The following TBC1D1 variants were observed in gnomAD, a reference collection of about 807,000 sequenced individuals.
TBC1D1 encodes TBC1 (tre-2/USP6, BUB2, cdc16) domain family, member 1.
A neutral mutation model predicts 125.6 loss-of-function variants in TBC1D1; 89 were observed. That is an observed-to-expected ratio of 0.71 (90% CI 0.60 to 0.85). The LOEUF (loss-of-function observed/expected upper bound fraction) is 0.85, where lower values mean the gene tolerates loss of function less well. Ranked by LOEUF, TBC1D1 falls within the 40% of genes least tolerant of loss-of-function variation. The pLI is 0.00. For synonymous variants in TBC1D1, 565 were observed against 564.1 expected (o/e 1.00, Z -0.02); for missense variants, 1,377 against 1,469.2 (o/e 0.94, Z 1.03).
intron 2 of TBC1D1, among the ~76,000 whole-genome samples, chr4:37,959,972 G>A (rs1578050331): frequency 6.6e-6 from 1 of 152,202 alleles, no homozygotes; most frequent in East Asian, 1.9e-4. Flanking sequence ...AACTTCAGGG[G>A]TGCTGCTTTA....
At chr4:37,908,884 T>G (rs1450354711) in intron 2 of TBC1D1, among the ~76,000 whole-genome samples, 2 of 152,282 alleles carry the variant, frequency 1.3e-5, no homozygotes, top group Middle Eastern at 3.4e-3. Context: ...CATGTAGAAA[T>G]CGACTTTATT....
At chr4:37,998,472 C>G (rs962989348) in intron 2 of TBC1D1, among the ~76,000 whole-genome samples, 1 of 152,180 alleles carries the variant, frequency 6.6e-6, no homozygotes, top group African/African-American at 2.4e-5. Context: ...GCAGCTGGGT[C>G]GGGCTGTCCT....
chr4:37,996,635 T>A (rs1737865297), intron 2 of TBC1D1, among the ~76,000 whole-genome samples: 1 of 152,254 alleles, frequency 6.6e-6, no homozygotes, highest in Admixed American at 6.5e-5. Context: ...CTGGCATATT[T>A]TAAAATTGTA....
intron 14 of TBC1D1, among the ~76,000 whole-genome samples, chr4:38,097,507 AT>A (rs908909428): frequency 6.6e-6 from 1 of 151,490 alleles, no homozygotes; most frequent in Admixed American, 6.6e-5. Flanking sequence ...GCCCGGGTAA[AT>A]TTTTTTTGTA....
intron 12 of TBC1D1, 51 bp from the exon 15 acceptor site, chr4:38,089,881 T>C: frequency 6.6e-7 from 1 of 1,504,944 alleles, no homozygotes; most frequent in South Asian, 1.3e-5. Context: ...TGTTTGAATG[T>C]GCATTTTTTG....
At chr4:37,943,583 A>C (rs948178001) in intron 2 of TBC1D1, among the ~76,000 whole-genome samples, 1 of 152,028 alleles carries the variant, frequency 6.6e-6, no homozygotes, top group Non-Finnish European at 1.5e-5. Flanking sequence ...CATTTCATTC[A>C]TTTGATCTTC....
At chr4:38,104,183 A>AAT (rs869060090) in intron 15 of TBC1D1, among the ~76,000 whole-genome samples, 8 of 142,000 alleles carry the variant, frequency 5.6e-5, no homozygotes, top group East Asian at 2.0e-4. Context: ...AAAAAAAAAA[A>AAT]GTGTATGGGA....
chr4:37,997,897 C>T (rs1435544339), intron 2 of TBC1D1, among the ~76,000 whole-genome samples: 1 of 152,062 alleles, frequency 6.6e-6, no homozygotes, highest in East Asian at 1.9e-4. Context: ...TGCACAGTTC[C>T]CACTTTTTGT....
At chr4:37,922,858 A>T (rs1046162184) in intron 2 of TBC1D1, among the ~76,000 whole-genome samples, 9 of 152,096 alleles carry the variant, frequency 5.9e-5, no homozygotes, top group African/African-American at 2.2e-4. Flanking sequence ...TCAATCCTGG[A>T]AAAAGAATCT....
intron 2 of TBC1D1, among the ~76,000 whole-genome samples, chr4:37,970,930 C>T (rs375714032): frequency 6.9e-6 from 1 of 145,310 alleles, no homozygotes; most frequent in East Asian, 2.1e-4. Context: ...GCATGTGTCC[C>T]TGCCTCACTG....
intron 6 of TBC1D1, among the ~76,000 whole-genome samples, 193 bp from the exon 7 acceptor site, chr4:38,027,595 C>T (rs747332272): frequency 1.3e-5 from 2 of 151,814 alleles, no homozygotes; most frequent in Non-Finnish European, 2.9e-5. Flanking sequence ...GTGATTGCAC[C>T]ACTGCAATCC....
chr4:37,920,401 C>A (rs1012667477), intron 2 of TBC1D1, among the ~76,000 whole-genome samples: 3 of 152,026 alleles, frequency 2.0e-5, no homozygotes, highest in Non-Finnish European at 2.9e-5. Context: ...GAATAAGAAC[C>A]GGGTAAAGAG....
intron 8 of TBC1D1, among the ~76,000 whole-genome samples, chr4:38,041,302 CA>C (rs936043285): frequency 3.3e-5 from 5 of 152,164 alleles, no homozygotes. Context: ...ATTAGATTGG[CA>C]GAAATTTTTA....
At chr4:37,900,296 AC>A (rs1242866738) in intron 1 of TBC1D1, among the ~76,000 whole-genome samples, 1 of 152,158 alleles carries the variant, frequency 6.6e-6, no homozygotes, top group Non-Finnish European at 1.5e-5. Context: ...GGCCTTACAA[AC>A]CAGGAATGGA....
intron 14 of TBC1D1, among the ~76,000 whole-genome samples, chr4:38,100,762 A>G (rs1355636408): frequency 6.6e-6 from 1 of 152,232 alleles, no homozygotes; most frequent in Non-Finnish European, 1.5e-5. Context: ...ACTACACAGT[A>G]AGTATTTCCA....
chr4:37,948,573 G>A (rs1727207444), intron 2 of TBC1D1, among the ~76,000 whole-genome samples: 1 of 149,338 alleles, frequency 6.7e-6, no homozygotes, highest in Admixed American at 6.7e-5. Flanking sequence ...GTTGCAGTGA[G>A]CCGAGATCTC....
intron 3 of TBC1D1, among the ~76,000 whole-genome samples, chr4:38,015,738 ATTATC>A (rs1408867350): frequency 6.6e-6 from 1 of 152,206 alleles, no homozygotes; most frequent in East Asian, 1.9e-4. Flanking sequence ...AGAGAACAAA[ATTATC>A]TTAAATATAA....
At chr4:38,046,229 G>A (rs34312826) in intron 10 of TBC1D1, among the ~76,000 whole-genome samples, 19,797 of 151,870 alleles carry the variant, frequency 0.13, 1,703 homozygotes, top group East Asian at 0.35. Context: ...AAAATTAGCC[G>A]GGCGTGGTGG....
Position 38,045,825 on chromosome 4 carries a change from A to G in TBC1D1, c.1551A>G (p.Lys517=), listed in dbSNP as rs778073846. 125 of 1,614,130 alleles carry G rather than the reference A, an allele frequency of 7.7e-5. No homozygotes were observed. Among genetic ancestry groups the G allele is most frequent in the Non-Finnish European group, 1.0e-4 (119 of 1,179,966 alleles). ...GCCTTTTCTTTATGTAGGGTAATAA[A>G]GCCAGAGGCCTGCAGGAACACTCCA... The change falls in exon 10 of 20, where the codon AAA becomes AAG. Residue 517 remains lysine (K), a synonymous_variant. Transcript: ENST00000261439.
Sources: allele counts gnomAD v4.1 joint callset (sites outside exome capture counted in the v4.1 genomes callset), GRCh38; gene constraint gnomAD v4.1.1; transcripts MANE v1.5; gene names NCBI Gene and HGNC (gene_info 2026-07-23, HGNC 2026-07-21).